The following FMN2 variants were observed in gnomAD, a reference collection of about 807,000 sequenced individuals.
FMN2 encodes the protein formin-2.
Under a neutral mutation model 142.3 loss-of-function variants are expected in FMN2, and 51 were observed. That is an observed-to-expected ratio of 0.36 (90% CI 0.29 to 0.45). FMN2 has a LOEUF of 0.45. Among genes scored for constraint, FMN2 ranks in the 20% least tolerant of loss-of-function variants. FMN2 has a pLI of 1.00. For missense variants in FMN2, 1,936 were observed against 2,122.8 expected, an observed-to-expected ratio of 0.91 and a Z score of 1.73; for synonymous variants, 882 against 869.8, an observed-to-expected ratio of 1.01 and a Z score of -0.25.
intron 15 of FMN2, among the ~76,000 whole-genome samples, chr1:240,400,163 T>G (rs1182681706): frequency 2.6e-5 from 4 of 152,142 alleles, no homozygotes; most frequent in African/African-American, 9.7e-5. Flanking sequence ...AGGATCCTTT[T>G]GGGATCATAA....
At chr1:240,169,578 C>T (rs1282864175) in intron 2 of FMN2, among the ~76,000 whole-genome samples, 8 of 152,134 alleles carry the variant, frequency 5.3e-5, no homozygotes, top group South Asian at 2.1e-4. Flanking sequence ...GCATTCCTTC[C>T]GCCTCAGCCT....
chr1:240,346,675 C>A (rs1340555152), intron 13 of FMN2, among the ~76,000 whole-genome samples: 1 of 152,084 alleles, frequency 6.6e-6, no homozygotes, highest in African/African-American at 2.4e-5. Flanking sequence ...TATGTATGCT[C>A]CGTAGTACTT....
intron 13 of FMN2, among the ~76,000 whole-genome samples, chr1:240,347,907 G>A (rs955705249): frequency 2.0e-5 from 3 of 152,306 alleles, no homozygotes; most frequent in South Asian, 4.1e-4. Context: ...ATTCCATGGT[G>A]TATATGTACC....
At chr1:240,181,465 C>A (rs545836031) in intron 3 of FMN2, among the ~76,000 whole-genome samples, 1 of 152,272 alleles carries the variant, frequency 6.6e-6, no homozygotes, top group African/African-American at 2.4e-5. Flanking sequence ...TGGTGTTTTC[C>A]TCCTTTATGG....
chr1:240,229,756 C>T (rs1667477707), intron 6 of FMN2, among the ~76,000 whole-genome samples: 1 of 74,952 alleles, frequency 1.3e-5, no homozygotes, highest in South Asian at 3.7e-4. Flanking sequence ...CAGCGATTCT[C>T]CTGCCTCAGC....
intron 15 of FMN2, among the ~76,000 whole-genome samples, chr1:240,433,397 A>G (rs552731618): frequency 6.6e-6 from 1 of 152,326 alleles, no homozygotes; most frequent in East Asian, 1.9e-4. Flanking sequence ...TTCTAACTTT[A>G]GTGCTCTAGA....
intron 3 of FMN2, among the ~76,000 whole-genome samples, chr1:240,186,988 C>T (rs563821052): frequency 9.2e-4 from 139 of 151,754 alleles, no homozygotes; most frequent in Non-Finnish European, 1.3e-3. Flanking sequence ...GACTGCTGGC[C>T]GAGCACGGTG....
chr1:240,311,564 G>T (rs1670606564), intron 8 of FMN2, among the ~76,000 whole-genome samples: 1 of 151,964 alleles, frequency 6.6e-6, no homozygotes, highest in Non-Finnish European at 1.5e-5. Context: ...AAAAGCTTTG[G>T]ATCTTGAATC....
chr1:240,418,578 ATTTC>A (rs1431059634), intron 15 of FMN2, among the ~76,000 whole-genome samples: 3 of 152,160 alleles, frequency 2.0e-5, no homozygotes, highest in East Asian at 1.9e-4. Flanking sequence ...TCGAAGTTCC[ATTTC>A]TTTCTTAATT....
At chr1:240,437,513 A>T (rs1035080804) in intron 15 of FMN2, among the ~76,000 whole-genome samples, 4 of 151,964 alleles carry the variant, frequency 2.6e-5, no homozygotes, top group African/African-American at 9.7e-5. Flanking sequence ...CGTGTTAGCC[A>T]GGATGGTCTC....
At chr1:240,325,939 A>T (rs532287818) in intron 8 of FMN2, among the ~76,000 whole-genome samples, 2 of 152,222 alleles carry the variant, frequency 1.3e-5, no homozygotes, top group Non-Finnish European at 2.9e-5. Context: ...TCAACAGAAT[A>T]TATTAAATGT....
At chr1:240,436,005 A>T (rs958036964) in intron 15 of FMN2, among the ~76,000 whole-genome samples, 2 of 152,186 alleles carry the variant, frequency 1.3e-5, no homozygotes, top group African/African-American at 4.8e-5. Flanking sequence ...AAGGAAAATG[A>T]CCAGTTTTCC....
intron 16 of FMN2, among the ~76,000 whole-genome samples, chr1:240,442,337 T>C (rs1675650818): frequency 6.6e-6 from 1 of 152,196 alleles, no homozygotes; most frequent in East Asian, 1.9e-4. Context: ...ATTGTGTCCA[T>C]CTCTGGATCA....
At chr1:240,314,924 G>C (rs1670722384) in intron 8 of FMN2, among the ~76,000 whole-genome samples, 1 of 152,200 alleles carries the variant, frequency 6.6e-6, no homozygotes, top group East Asian at 1.9e-4. Flanking sequence ...GAATACAAAA[G>C]TGTTTCCTGC....
At chr1:240,154,762 T>G (rs1245799587) in intron 2 of FMN2, 1 of 152,146 alleles carries the variant, frequency 6.6e-6, no homozygotes, top group Non-Finnish European at 1.5e-5. Context: ...CTCACTACCC[T>G]TGGACCAACC....
At chr1:240,270,469 C>T (rs1394266935) in intron 7 of FMN2, among the ~76,000 whole-genome samples, 1 of 152,030 alleles carries the variant, frequency 6.6e-6, no homozygotes, top group South Asian at 2.1e-4. Context: ...TACCAATAAT[C>T]ACACCTCGGA....
At position 240,091,990 on chromosome 1, in the gene FMN2, C is replaced by T. The variant is rs1002279072; in HGVS notation, c.-120C>T. ...GGCGCGCGTCGGCCTCCCCTCCCAGCGGCTCCCCCCGCCGCCGCCTGACTC... is the reference window on the plus strand; with the variant it reads ...GGCGCGCGTCGGCCTCCCCTCCCAGTGGCTCCCCCCGCCGCCGCCTGACTC... On this transcript the variant is annotated 5_prime_UTR_variant, in exon 1 of 18. Transcript: ENST00000319653. 12 of 1,375,612 alleles carry T rather than the reference C, an allele frequency of 8.7e-6. No individual in the cohort carries two copies. The highest frequency in any genetic ancestry group is 1.1e-5 in the Non-Finnish European group (12 of 1,072,266). The allele number at this position is 1,375,612 out of a possible 1,614,324, so 85.2% of individuals were successfully genotyped here.
intron 13 of FMN2, among the ~76,000 whole-genome samples, chr1:240,343,525 A>C (rs1282692261): frequency 6.6e-6 from 1 of 152,194 alleles, no homozygotes; most frequent in Non-Finnish European, 1.5e-5. Context: ...ATTGCACTGA[A>C]GTATAGTAAC....
intron 6 of FMN2, among the ~76,000 whole-genome samples, chr1:240,244,214 TTAAC>T (rs1328169798): frequency 1.5e-4 from 23 of 152,328 alleles, no homozygotes; most frequent in Middle Eastern, 3.4e-3. Flanking sequence ...ATATGCTCTT[TTAAC>T]TAGGAATCAG....
Sources: allele counts gnomAD v4.1 joint callset (sites outside exome capture counted in the v4.1 genomes callset), GRCh38; gene constraint gnomAD v4.1.1; transcripts MANE v1.5; gene names NCBI Gene and HGNC (gene_info 2026-07-23, HGNC 2026-07-21).